The following OSBPL10 variants were observed in gnomAD, a reference collection of about 807,000 sequenced individuals.
OSBPL10 encodes oxysterol-binding protein-related protein 10.
A neutral mutation model predicts 81.7 loss-of-function variants in OSBPL10; 49 were observed. The observed-to-expected ratio is 0.60, with a 90% confidence interval of 0.48 to 0.76. The LOEUF is 0.76. Among genes scored for constraint, OSBPL10 ranks in the 30% least tolerant of loss-of-function variants. OSBPL10 has a pLI of 0.00. For synonymous variants in OSBPL10, 419 were observed against 383.6 expected, an observed-to-expected ratio of 1.09 and a Z score of -1.08; for missense variants, 923 against 987.8, an observed-to-expected ratio of 0.93 and a Z score of 0.88.
At chr3:31,726,221 G>A (rs1387342272) in intron 6 of OSBPL10, among the ~76,000 whole-genome samples, 1 of 152,160 alleles carries the variant, frequency 6.6e-6, no homozygotes, top group Non-Finnish European at 1.5e-5. Context: ...TACAGGACTT[G>A]GAGTAGGTAT....
intron 3 of OSBPL10, among the ~76,000 whole-genome samples, chr3:31,861,637 T>G (rs559897192): frequency 3.3e-5 from 5 of 152,346 alleles, no homozygotes; most frequent in African/African-American, 4.8e-5. Context: ...GCCTCTTTGG[T>G]GACACTAACC....
At chr3:31,932,047 TAAAC>T (rs1242858934) in intron 1 of OSBPL10, among the ~76,000 whole-genome samples, 1 of 151,220 alleles carries the variant, frequency 6.6e-6, no homozygotes, top group Non-Finnish European at 1.5e-5. Context: ...GTCTCAAAAA[TAAAC>T]AAATAAATAA....
chr3:32,032,545 T>C (rs1699483062), intron 2 of OSBPL10, among the ~76,000 whole-genome samples: 1 of 152,098 alleles, frequency 6.6e-6, no homozygotes. Context: ...GCATGACCCC[T>C]CCTCCACCAA....
At chr3:31,728,533 G>A (rs747471399) in intron 6 of OSBPL10, among the ~76,000 whole-genome samples, 7 of 152,116 alleles carry the variant, frequency 4.6e-5, no homozygotes, top group African/African-American at 1.2e-4. Flanking sequence ...ACTAGTAAAC[G>A]GATAATCTGT....
intron 11 of OSBPL10, chr3:31,663,744 CATG>C: frequency 8.5e-7 from 1 of 1,177,634 alleles, no homozygotes; most frequent in Non-Finnish European, 1.1e-6. Context: ...TAACAGGTGC[CATG>C]ATGATTTTCT....
intron 2 of OSBPL10, among the ~76,000 whole-genome samples, chr3:32,032,608 T>G (rs1437771623): frequency 1.3e-5 from 2 of 152,144 alleles, no homozygotes; most frequent in Non-Finnish European, 2.9e-5. Flanking sequence ...TAAGTTGAAA[T>G]GCCACTTAAA....
At chr3:32,010,877 G>A (rs1447647845) in intron 2 of OSBPL10, among the ~76,000 whole-genome samples, 1 of 152,212 alleles carries the variant, frequency 6.6e-6, no homozygotes, top group African/African-American at 2.4e-5. Flanking sequence ...ACTGCAAGGT[G>A]GCAGCGAGGC....
chr3:31,880,141 G>A (rs1373037109), intron 1 of OSBPL10, among the ~76,000 whole-genome samples: 1 of 152,214 alleles, frequency 6.6e-6, no homozygotes, highest in Admixed American at 6.5e-5. Flanking sequence ...GACAGAGACT[G>A]GCAGAAGCAT....
At chr3:31,900,551 CA>C (rs1309151435) in intron 1 of OSBPL10, among the ~76,000 whole-genome samples, 8 of 152,302 alleles carry the variant, frequency 5.3e-5, no homozygotes, top group Non-Finnish European at 1.0e-4. Context: ...GCTTGTCCTA[CA>C]AGAGGAAAAT....
intron 5 of OSBPL10, among the ~76,000 whole-genome samples, chr3:31,737,673 AC>A (rs1697222597): frequency 1.3e-5 from 2 of 152,162 alleles, no homozygotes; most frequent in African/African-American, 4.8e-5. Flanking sequence ...TGCAAAAGAC[AC>A]AGATGACAAT....
chr3:31,801,775 C>T (rs1699386573), intron 4 of OSBPL10, among the ~76,000 whole-genome samples: 2 of 152,214 alleles, frequency 1.3e-5, no homozygotes, highest in South Asian at 4.2e-4. Context: ...TATGGTCAGA[C>T]TATCACCTCT....
intron 4 of OSBPL10, among the ~76,000 whole-genome samples, chr3:31,821,749 T>C (rs1699986801): frequency 1.3e-5 from 2 of 152,294 alleles, no homozygotes; most frequent in South Asian, 4.1e-4. Flanking sequence ...ACACAAAGGG[T>C]AAATTCACTT....
rs1398560807 is a variant in OSBPL10 at position 31,948,299 on chromosome 3, ATCTT to A, written c.281+32596_281+32599del. 2.6e-5 allele frequency among the ~76,000 whole-genome samples: 4 copies of A among 152,222 alleles called. No individual in the cohort carries two copies. In the East Asian group the frequency reaches 7.7e-4, roughly 29 times the overall value. On this transcript the variant is annotated intron_variant, in intron 1 of 11. Coordinates refer to ENST00000396556, the MANE Select transcript of OSBPL10 (RefSeq NM_017784.5). ...GCCATTCATCATTATGAGTCTTTTC[ATCTT>A]TCCATCTCTCTGGAAACCATCCAGG...
At chr3:31,918,377 A>G (rs1204570754) in intron 1 of OSBPL10, among the ~76,000 whole-genome samples, 4 of 150,840 alleles carry the variant, frequency 2.7e-5, no homozygotes, top group East Asian at 3.9e-4. Flanking sequence ...TGCCCAGGCC[A>G]GAGTACAGTG....
chr3:31,800,895 T>TA (rs1182740079), intron 4 of OSBPL10, among the ~76,000 whole-genome samples: 1 of 152,214 alleles, frequency 6.6e-6, no homozygotes, highest in Non-Finnish European at 1.5e-5. Flanking sequence ...GAAGTAAGCC[T>TA]AAAATAGGGA....
chr3:32,036,263 GT>G lies in OSBPL10; in HGVS notation n.298+10227del, dbSNP rs201959619. On this transcript the variant is annotated intron_variant and non_coding_transcript_variant, in intron 2 of 3. Transcript: ENST00000479173. ...GGATCTCGCTATGTTGCCTGGGCTGGTCTCAAACCTCTGGCCTTAAGCCATC... is the reference window on the plus strand; with the variant it reads ...GGATCTCGCTATGTTGCCTGGGCTGGCTCAAACCTCTGGCCTTAAGCCATC... Among the ~76,000 whole-genome samples, 1,474 of 152,214 alleles carry G rather than the reference GT, an allele frequency of 9.7e-3. 23 individuals are homozygous for G. Among genetic ancestry groups the G allele is most frequent in the African/African-American group, 0.033 (1,383 of 41,520 alleles).
chr3:31,736,007 C>T (rs981477625), intron 5 of OSBPL10, among the ~76,000 whole-genome samples: 2 of 151,950 alleles, frequency 1.3e-5, no homozygotes, highest in African/African-American at 4.8e-5. Context: ...AAATCGGAGA[C>T]AGAAAACTTT....
chr3:31,763,460 C>T (rs17028228), intron 4 of OSBPL10, among the ~76,000 whole-genome samples: 9,865 of 152,202 alleles, frequency 0.065, 647 homozygotes, highest in African/African-American at 0.18. Context: ...CTCAAAGAAC[C>T]TCTAAGTGTC....
At chr3:31,847,987 G>GCC (rs751724513) in intron 3 of OSBPL10, among the ~76,000 whole-genome samples, 1 of 152,082 alleles carries the variant, frequency 6.6e-6, no homozygotes, top group Non-Finnish European at 1.5e-5. Context: ...AAGCACGCCA[G>GCC]CCCCTCCTGC....
Sources: gnomAD v4.1 joint callset for allele counts (sites outside exome capture counted in the v4.1 genomes callset) on GRCh38, gnomAD v4.1.1 for gene constraint, MANE v1.5 for transcripts, NCBI Gene and HGNC (gene_info 2026-07-23, HGNC 2026-07-21) for gene names.